The following L3MBTL4 variants were observed in gnomAD, a reference collection of about 807,000 sequenced individuals.
L3MBTL4 encodes the protein lethal(3)malignant brain tumor-like protein 4.
A neutral mutation model predicts 84.5 loss-of-function variants in L3MBTL4; 70 were observed. The observed-to-expected ratio is 0.83, with a 90% CI of 0.68 to 1.01. The LOEUF is 1.01. Among genes scored for constraint, L3MBTL4 ranks in the 50% least tolerant of loss-of-function variants. L3MBTL4 has a pLI of 0.00. For synonymous variants in L3MBTL4, 274 were observed against 259.8 expected (o/e 1.05, Z -0.52); for missense variants, 715 against 754.8 (o/e 0.95, Z 0.62).
At chr18:6,031,812 T>C (rs1369128749) in intron 16 of L3MBTL4, 3 of 17,360 alleles carry the variant, frequency 1.7e-4, no homozygotes, top group African/African-American at 4.3e-4. Flanking sequence ...AGATTCATGG[T>C]TTTTTTTTTT....
intron 4 of L3MBTL4, among the ~76,000 whole-genome samples, chr18:6,295,346 C>CTA (rs71163269): frequency 0.045 from 3,639 of 81,010 alleles, 183 homozygotes; most frequent in Admixed American, 0.067. Context: ...CTCTCTCTCT[C>CTA]TATATATATA....
intron 1 of L3MBTL4, among the ~76,000 whole-genome samples, chr18:6,336,896 G>A (rs893085095): frequency 3.3e-5 from 5 of 152,064 alleles, no homozygotes; most frequent in African/African-American, 1.2e-4. Context: ...AAATAATTAT[G>A]TTCAAGAAAA....
At chr18:6,163,821 TGGACAGTGGGTGCA>T (rs981931915) in intron 13 of L3MBTL4, among the ~76,000 whole-genome samples, 3 of 152,124 alleles carry the variant, frequency 2.0e-5, no homozygotes, top group South Asian at 2.1e-4. Context: ...TGGGGAACGC[TGGACAGTGGGTGCA>T]GGACAGTGGG....
At chr18:6,346,836 A>G (rs1331317130) in intron 1 of L3MBTL4, among the ~76,000 whole-genome samples, 1 of 152,196 alleles carries the variant, frequency 6.6e-6, no homozygotes, top group African/African-American at 2.4e-5. Flanking sequence ...GCATATATTT[A>G]AAGGAACTAA....
chr18:6,180,957 C>T (rs371570236), intron 12 of L3MBTL4, among the ~76,000 whole-genome samples: 2 of 152,176 alleles, frequency 1.3e-5, no homozygotes, highest in African/African-American at 2.4e-5. Context: ...AAAGGAACGA[C>T]GTTCTGACAT....
intron 16 of L3MBTL4, among the ~76,000 whole-genome samples, chr18:5,995,189 G>T (rs114638112): frequency 6.6e-6 from 1 of 152,246 alleles, no homozygotes. Context: ...CGGCGACCAC[G>T]CCATGCAGGG....
intron 14 of L3MBTL4, among the ~76,000 whole-genome samples, chr18:6,116,674 T>C (rs1281574840): frequency 6.6e-6 from 1 of 152,154 alleles, no homozygotes; most frequent in African/African-American, 2.4e-5. Context: ...ACAAAAGTTA[T>C]CTTGAAGTAG....
intron 14 of L3MBTL4, among the ~76,000 whole-genome samples, chr18:6,110,092 T>C (rs566023940): frequency 1.2e-4 from 18 of 151,924 alleles, no homozygotes; most frequent in Non-Finnish European, 2.5e-4. Flanking sequence ...AACTTTGTGG[T>C]GAAGTATAAT....
intron 9 of L3MBTL4, 104 bp from the exon 10 acceptor site, chr18:6,238,144 G>C (rs1308587123): frequency 3.0e-6 from 3 of 987,140 alleles, no homozygotes; most frequent in South Asian, 2.6e-5. Context: ...ACAGAAAACA[G>C]TACTTCATAG....
At chr18:6,317,196 A>G (rs908361107) in intron 1 of L3MBTL4, among the ~76,000 whole-genome samples, 1 of 152,164 alleles carries the variant, frequency 6.6e-6, no homozygotes, top group African/African-American at 2.4e-5. Flanking sequence ...CAAATTACTC[A>G]GTACTAAAAG....
rs143736530 is a variant in L3MBTL4, at chr18:6,299,620, C to T, written c.127+2283G>A. Reference sequence around the variant, plus strand: ...GTTTTAACAATGATTTCCAAAGAAACACATGCTTGTTATAAAATCACTACT... The same window carrying T: ...GTTTTAACAATGATTTCCAAAGAAATACATGCTTGTTATAAAATCACTACT... On this transcript the variant is annotated intron_variant, in intron 4 of 18. Coordinates refer to ENST00000317931, the MANE Select transcript of L3MBTL4 (RefSeq NM_001330559.2). 1.6e-4 allele frequency among the ~76,000 whole-genome samples: 24 copies of T among 152,232 alleles called. 1 individual carries two copies. The East Asian group carries it at 4.6e-3, about 29-fold the overall frequency.
chr18:6,252,345 A>G lies in L3MBTL4; in HGVS notation c.220-7757T>C, dbSNP rs377016211. ...AGAAAAAAGCAAGACACATCACTGC[A>G]TCTGCCGAGGCAGAATGACAGCCAT... On this transcript the variant is annotated intron_variant, in intron 5 of 18. Coordinates refer to ENST00000317931, the MANE Select transcript of L3MBTL4 (RefSeq NM_001330559.2). Among the ~76,000 whole-genome samples, 672 of 152,336 alleles carry G rather than the reference A, an allele frequency of 4.4e-3. 3 individuals are homozygous for G. Among genetic ancestry groups the G allele is most frequent in the South Asian group, 0.023 (111 of 4,832 alleles).
intron 16 of L3MBTL4, among the ~76,000 whole-genome samples, chr18:6,047,012 T>C (rs1029293500): frequency 3.3e-5 from 5 of 151,906 alleles, no homozygotes; most frequent in African/African-American, 1.2e-4. Flanking sequence ...CTAGCTAAAT[T>C]AACAAAGAAA....
At chr18:5,969,017 A>C (rs1488151197) in intron 17 of L3MBTL4, among the ~76,000 whole-genome samples, 1 of 152,142 alleles carries the variant, frequency 6.6e-6, no homozygotes, top group Non-Finnish European at 1.5e-5. Flanking sequence ...CCCAGAGCAC[A>C]CGTGCCTAGG....
chr18:6,092,176 C>G (rs930758938), intron 15 of L3MBTL4, among the ~76,000 whole-genome samples: 37 of 152,132 alleles, frequency 2.4e-4, no homozygotes, highest in Non-Finnish European at 5.0e-4. Flanking sequence ...GTCATGTGCA[C>G]AGAGATCAAG....
intron 17 of L3MBTL4, among the ~76,000 whole-genome samples, chr18:5,961,744 C>A (rs114105415): frequency 0.024 from 2,921 of 121,586 alleles, 87 homozygotes; most frequent in African/African-American, 0.086. Context: ...GCAGTTCAGG[C>A]AGAGGAAGCC....
At chr18:6,023,919 T>C (rs1183322037) in intron 16 of L3MBTL4, among the ~76,000 whole-genome samples, 2 of 152,246 alleles carry the variant, frequency 1.3e-5, no homozygotes, top group South Asian at 2.1e-4. Flanking sequence ...TGCGAATACA[T>C]AGCTATTACG....
intron 1 of L3MBTL4, among the ~76,000 whole-genome samples, chr18:6,333,813 A>G (rs1178586690): frequency 6.6e-6 from 1 of 152,182 alleles, no homozygotes; most frequent in Non-Finnish European, 1.5e-5. Context: ...TAATGTTACA[A>G]TGATCTTCCC....
intron 1 of L3MBTL4, among the ~76,000 whole-genome samples, chr18:6,351,138 G>A (rs922099170): frequency 6.6e-6 from 1 of 152,070 alleles, no homozygotes; most frequent in African/African-American, 2.4e-5. Context: ...GGAGGTTGCA[G>A]TGAGCCAAAA....
Sources: allele counts gnomAD v4.1 joint callset (sites outside exome capture counted in the v4.1 genomes callset), GRCh38; gene constraint gnomAD v4.1.1; transcripts MANE v1.5; gene names NCBI Gene and HGNC (gene_info 2026-07-23, HGNC 2026-07-21).